Variants in EPS8L1 observed in about 807,000 individuals in gnomAD.
The protein encoded by EPS8L1 is EPS8 signaling adaptor L1.
A neutral mutation model predicts 91.7 loss-of-function variants in EPS8L1; 101 were observed. The ratio of observed to expected loss-of-function variants is 1.10; its 90% CI spans 0.94 to 1.30. The LOEUF (loss-of-function observed/expected upper bound fraction) is 1.30. Among genes scored for constraint, EPS8L1 ranks in the 50% most tolerant of loss-of-function variants. The pLI is 0.00. For synonymous variants in EPS8L1, 506 were observed against 445.3 expected (o/e 1.14, Z -1.72); for missense variants, 1,114 against 1,017.0 (o/e 1.10, Z -1.30).
At chr19:55,087,147 T>G in intron 18 of EPS8L1, 156 bp from the exon 19 acceptor site, 1 of 1,231,286 alleles carries the variant, frequency 8.1e-7, no homozygotes, top group Middle Eastern at 2.8e-4. Context: ...GTGGCAACAT[T>G]GTGATTGGTG....
chr19:55,080,096 G>A, intron 5 of EPS8L1, 33 bp from the exon 6 acceptor site: 2 of 1,469,398 alleles, frequency 1.4e-6, no homozygotes, highest in Non-Finnish European at 1.8e-6. Context: ...ATCATTTCGG[G>A]GCCTCAGTTT....
chr19:55,086,635 G>GGGGCCCCCCCCCCCC, intron 17 of EPS8L1, 79 bp from the exon 18 acceptor site: 1 of 1,307,704 alleles, frequency 7.6e-7, no homozygotes, highest in Non-Finnish European at 1.1e-6. Flanking sequence ...ACGCTGGAGC[G>GGGGCCCCCCCCCCCC]CCCCCCCGCC....
intron 14 of EPS8L1, chr19:55,084,387 G>T (rs1204401178): frequency 6.5e-6 from 1 of 152,682 alleles, no homozygotes; most frequent in Non-Finnish European, 1.5e-5. Flanking sequence ...CAAGCAGTGG[G>T]GGCTCAGACT....
At chr19:55,079,201 C>A in intron 4 of EPS8L1, 144 bp downstream of exon 4, 1 of 810,464 alleles carries the variant, frequency 1.2e-6, no homozygotes, top group Non-Finnish European at 2.1e-6. Flanking sequence ...ACCTCCGTTG[C>A]CTCACCTCAG....
intron 18 of EPS8L1, 64 bp downstream of exon 18, chr19:55,086,952 T>A: frequency 7.2e-7 from 1 of 1,398,124 alleles, no homozygotes; most frequent in Non-Finnish European, 9.2e-7. Context: ...AGCGTTCCGA[T>A]CGGCCGGGAG....
In EPS8L1 at chr19:55,082,507, T is replaced by C. The variant is rs2147150897; in HGVS notation, c.1119T>C (p.His373=). 1.2e-6 allele frequency: 2 copies of C among 1,612,640 alleles called. No individual in the cohort carries two copies. Among genetic ancestry groups the C allele is most frequent in the African/African-American group, 1.3e-5 (1 of 75,008 alleles). The stretch of plus-strand genomic sequence containing the variant: ...TCGCGAGCAGTGTGCGGCGGCCGCA[T>C]CTGACATCGGATGCCGTGGCGCTGC... ...PEFASSVRRP[H]LTSDAVALLR... is the part of the protein sequence containing the mutation. Residue 373 remains histidine (H), a synonymous_variant, in exon 12 of 20, where the codon CAT becomes CAC. Transcript: ENST00000201647.
chr19:55,081,577 G>C lies in EPS8L1; in HGVS notation c.774+85G>C, dbSNP rs2076262773. 23 of 1,415,716 alleles carry C rather than the reference G, an allele frequency of 1.6e-5. No individual in the cohort carries two copies. The South Asian group carries it at 2.8e-4, about 18-fold the overall frequency. 87.7% of individuals were successfully genotyped at this position (1,415,716 alleles called of 1,614,324 possible). ...CGTGGAAGGGCGGGGCCGGCTGCGG[G>C]ACGGGCGTTCTCTGGTCAGACTTCT... On this transcript the variant is annotated intron_variant, in intron 8 of 19. Transcript: ENST00000201647. The surrounding 1 kb of genome is among the most constrained non-coding windows in gnomAD (Gnocchi z 4.9).
rs770823875 is a variant in EPS8L1, at chr19:55,079,709, T to A, written c.137T>A (p.Leu46Gln). Residue 46 changes from leucine to glutamine, a missense_variant, in exon 5 of 20, where the codon CTG becomes CAG. By Grantham distance (113) the Leu-to-Gln change is moderately radical (BLOSUM62 -2). Coordinates refer to ENST00000201647, the MANE Select transcript of EPS8L1 (RefSeq NM_133180.3). Reference protein sequence around the residue: ...YPVNHLVTFCLGEDDGVHTVE... With the variant: ...YPVNHLVTFCQGEDDGVHTVE... ...TACCAGCACCTGGTGACGTTCTGCCTGGGTGAGGACGATGGCGTGCATACC... is the reference window on the plus strand; with the variant it reads ...TACCAGCACCTGGTGACGTTCTGCCAGGGTGAGGACGATGGCGTGCATACC... 1 of 1,614,030 alleles carries A rather than the reference T, an allele frequency of 6.2e-7. No homozygotes were observed. The highest frequency in any genetic ancestry group is 1.1e-5 in the South Asian group (1 of 91,078).
chr19:55,081,400 C>T lies in EPS8L1; in HGVS notation c.682C>T (p.Pro228Ser), dbSNP rs1204740924. The change falls in exon 8 of 20, where the codon CCG becomes TCG. Residue 228 changes from proline to serine, a missense_variant. Coordinates refer to ENST00000201647, the MANE Select transcript of EPS8L1 (RefSeq NM_133180.3). This position sits in a 1 kb window ranked among gnomAD's most constrained non-coding sequence, Gnocchi z 4.9. ...PEAEEAQRPE[P>S]VGTSSNADSA... Reference sequence around the variant, plus strand: ...GGCAGAGGAGGCGCAGAGGCCTGAGCCGGTGGGGACCTCGAGCAACGCTGA... The same window carrying T: ...GGCAGAGGAGGCGCAGAGGCCTGAGTCGGTGGGGACCTCGAGCAACGCTGA... The T allele has an allele frequency of 6.3e-7, 1 of 1,589,640 alleles. No homozygotes were observed. The highest frequency in any genetic ancestry group is 1.8e-5 in the Admixed American group (1 of 56,366).
chr19:55,076,539 C>T lies in EPS8L1; in HGVS notation c.17+78C>T, dbSNP rs552333153. The stretch of plus-strand genomic sequence containing the variant: ...TCGCCTCCTCACCCACACCCGCTTG[C>T]GGCAGCCCAGACTGTTTGCGGCGGC... On this transcript the variant is annotated intron_variant, in intron 2 of 19. Transcript: ENST00000201647. 496 of 1,530,670 alleles carry T rather than the reference C, an allele frequency of 3.2e-4. 2 individuals are homozygous for T. In the South Asian group the frequency reaches 4.9e-3, roughly 15 times the overall value. The allele number at this position is 1,530,670 out of a possible 1,614,324, so 94.8% of individuals were successfully genotyped here.
intron 17 of EPS8L1, 77 bp from the exon 18 acceptor site, chr19:55,086,637 C>CCCCCCCCCCCCCCCCCCTGG: frequency 2.2e-6 from 3 of 1,374,362 alleles, no homozygotes; most frequent in Non-Finnish European, 2.0e-6. Context: ...GCTGGAGCGC[C>CCCCCCCCCCCCCCCCCCTGG]CCCCCGCCCC....
intron 3 of EPS8L1, 120 bp downstream of exon 3, chr19:55,078,248 A>C: frequency 1.7e-6 from 1 of 590,082 alleles, no homozygotes; most frequent in Admixed American, 3.6e-5. Flanking sequence ...CAGAGGGAAG[A>C]GGTGCTGGGG....
chr19:55,086,634 C>CGGCCCCCCCCCCCCCCCCCCGG, intron 17 of EPS8L1, 80 bp from the exon 18 acceptor site: 4 of 1,374,846 alleles, frequency 2.9e-6, no homozygotes, highest in South Asian at 1.3e-5. Context: ...GACGCTGGAG[C>CGGCCCCCCCCCCCCCCCCCCGG]GCCCCCCCGC....
At chr19:55,077,966 A>G (rs1602907739) in intron 2 of EPS8L1, 122 bp from the exon 3 acceptor site, 1 of 411,928 alleles carries the variant, frequency 2.4e-6, no homozygotes. Context: ...TAATAATAAT[A>G]ATAATAACCC....
rs2076223911 is a variant in EPS8L1 at position 55,080,202 on chromosome 19, C to G, written c.353C>G (p.Ser118Trp). 1 of 1,537,746 alleles carries G rather than the reference C, an allele frequency of 6.5e-7. No individual in the cohort carries two copies. The highest frequency in any genetic ancestry group is 8.8e-7 in the Non-Finnish European group (1 of 1,137,198). ...DAVMPPGRSR[S>W]LLLLVCQEPE... Reference sequence around the variant, plus strand: ...GTGATGCCACCCGGCAGGAGCCGCTCGTTGCTGCTGCTCGTGTGCCAGGAA... The same window carrying G: ...GTGATGCCACCCGGCAGGAGCCGCTGGTTGCTGCTGCTCGTGTGCCAGGAA... The change falls in exon 6 of 20, where the codon TCG (serine) becomes TGG (tryptophan). Residue 118 changes from serine to tryptophan, a missense_variant. Ser to Trp is a radical substitution (Grantham distance 177). Coordinates refer to ENST00000201647, the MANE Select transcript of EPS8L1 (RefSeq NM_133180.3).
In EPS8L1 at chr19:55,087,315, G is replaced by A. The variant is rs1332376558; in HGVS notation, c.1965G>A (p.Ala655=). 1.2e-6 allele frequency: 2 copies of A among 1,607,908 alleles called. No individual in the cohort carries two copies. The highest frequency in any genetic ancestry group is 1.7e-6 in the Non-Finnish European group (2 of 1,178,008). ...AKGFSSGTVD[A]LGVLTGAQLF... is the part of the protein sequence containing the mutation. ...TGCCCTCGCTCAGGACCGTGGACGC[G>A]CTGGGTGTGCTGACCGGGGCGCAGC... Residue 655 remains alanine (A), a synonymous_variant, in exon 19 of 20, where the codon GCG becomes GCA. Coordinates refer to ENST00000201647, the MANE Select transcript of EPS8L1 (RefSeq NM_133180.3).
At position 55,082,279 on chromosome 19, in the gene EPS8L1, G is replaced by A. The variant is rs759634126; in HGVS notation, c.995G>A (p.Arg332Gln). Residue 332 changes from arginine (R) to glutamine (Q), a missense_variant, in exon 11 of 20, where the codon CGG (arginine) becomes CAG (glutamine). Arg to Gln is a conservative substitution (Grantham distance 43). Transcript: ENST00000201647. ...ACCTCCCTCCCCACGCCCCAGGCCC[G>A]GCTGCGCGGCAACATCGCCGACCCC... The part of the protein sequence containing the change: ...KIKYAFSLLA[R>Q]LRGNIADPSS... 5 of 1,611,692 alleles carry A rather than the reference G, an allele frequency of 3.1e-6. No homozygotes were observed. In the East Asian group the frequency reaches 6.7e-5, roughly 22 times the overall value.
chr19:55,086,964 C>A, intron 18 of EPS8L1, 76 bp downstream of exon 18: 3 of 1,394,004 alleles, frequency 2.2e-6, no homozygotes, highest in South Asian at 1.6e-5. Flanking sequence ...GGCCGGGAGT[C>A]GGGGGGCGGC....
rs2076290113 is a variant in EPS8L1, at chr19:55,082,493, G to C, written c.1105G>C (p.Val369Leu). The C allele has an allele frequency of 6.8e-6, 11 of 1,612,634 alleles. No individual in the cohort carries two copies. Among genetic ancestry groups the C allele is most frequent in the Non-Finnish European group, 8.5e-6 (10 of 1,179,840 alleles). Residue 369 changes from valine (V) to leucine (L), a missense_variant, in exon 12 of 20, where the codon GTG becomes CTG. Transcript: ENST00000201647. The part of the protein sequence containing the change: ...TSGGPEFASS[V>L]RRPHLTSDAV... ...GGGGGGGCCGGAGTTCGCGAGCAGT[G>C]TGCGGCGGCCGCATCTGACATCGGA...
Sources: allele counts gnomAD v4.1 joint callset, GRCh38; gene constraint gnomAD v4.1.1; non-coding constraint Gnocchi (gnomAD v3.1); transcripts MANE v1.5; gene names NCBI Gene and HGNC (gene_info 2026-07-23, HGNC 2026-07-21).